RCAN2: variants seen among roughly 807,000 people sequenced by gnomAD.
RCAN2 encodes calcipressin-2.
In RCAN2, 9 loss-of-function variants were observed where a neutral mutation model predicts 23.6. That is an observed-to-expected ratio of 0.38 (90% CI 0.23 to 0.67). RCAN2 has a LOEUF of 0.67. Ranked by LOEUF, RCAN2 falls within the 30% of genes least tolerant of loss-of-function variation. The pLI, the probability that RCAN2 is intolerant of heterozygous loss-of-function variation, is 0.51. For missense variants in RCAN2, 273 were observed against 302.3 expected, an observed-to-expected ratio of 0.90 and a Z score of 0.72; for synonymous variants, 109 against 115.7, an observed-to-expected ratio of 0.94 and a Z score of 0.37.
chr6:46,248,641 T>C, intron 3 of RCAN2, 82 bp downstream of exon 3: 1 of 1,142,622 alleles, frequency 8.8e-7, no homozygotes, highest in Non-Finnish European at 1.2e-6. Flanking sequence ...AATCTGAAAA[T>C]AGAAAGGGCT....
intron 2 of RCAN2, among the ~76,000 whole-genome samples, chr6:46,395,696 C>T (rs1443941909): frequency 6.6e-6 from 1 of 152,224 alleles, no homozygotes; most frequent in Non-Finnish European, 1.5e-5. Flanking sequence ...ACAGGGTTGG[C>T]TCATGTTATC....
chr6:46,297,349 T>A (rs9472735), intron 2 of RCAN2, among the ~76,000 whole-genome samples: 6,670 of 152,184 alleles, frequency 0.044, 504 homozygotes, highest in African/African-American at 0.15. Flanking sequence ...AAAAAGCGAA[T>A]AATCACAGTA....
chr6:46,430,988 T>C (rs573157945), intron 2 of RCAN2, among the ~76,000 whole-genome samples: 1 of 152,174 alleles, frequency 6.6e-6, no homozygotes, highest in Non-Finnish European at 1.5e-5. Context: ...ATATGGTTGA[T>C]GTAAATAATT....
At chr6:46,279,680 C>G (rs1188322467) in intron 2 of RCAN2, among the ~76,000 whole-genome samples, 3 of 152,224 alleles carry the variant, frequency 2.0e-5, no homozygotes, top group Non-Finnish European at 4.4e-5. Context: ...TGGCTATAAA[C>G]ATTGGCTTGG....
intron 2 of RCAN2, among the ~76,000 whole-genome samples, chr6:46,406,927 G>A (rs1766422704): frequency 6.6e-6 from 1 of 152,082 alleles, no homozygotes; most frequent in African/African-American, 2.4e-5. Context: ...TTATGTGCTG[G>A]GCGATTCAGT....
chr6:46,248,233 T>C (rs1488073745), intron 3 of RCAN2, among the ~76,000 whole-genome samples: 1 of 152,248 alleles, frequency 6.6e-6, no homozygotes, highest in Non-Finnish European at 1.5e-5. Context: ...AATTTCCATA[T>C]ATTTGTCACC....
intron 2 of RCAN2, among the ~76,000 whole-genome samples, chr6:46,291,873 T>G (rs776309264): frequency 6.6e-6 from 1 of 152,076 alleles, no homozygotes; most frequent in Admixed American, 6.6e-5. Flanking sequence ...GGAAAGTACG[T>G]GGAATTTGAG....
At chr6:46,234,857 C>T (rs190249230) in intron 4 of RCAN2, among the ~76,000 whole-genome samples, 1 of 152,310 alleles carries the variant, frequency 6.6e-6, no homozygotes, top group East Asian at 1.9e-4. Flanking sequence ...GTGACAATGT[C>T]CCAATTCCTC....
chr6:46,407,366 C>G lies in RCAN2; in HGVS notation c.225+49386G>C, dbSNP rs146550690. Among the ~76,000 whole-genome samples the G allele has an allele frequency of 3.5e-3, 537 of 152,274 alleles. 2 individuals carry two copies. The highest frequency in any genetic ancestry group is 9.9e-3 in the South Asian group (48 of 4,828). ...AGGCAGCAACCACTCATACAAAGAT[C>G]TTAGCAAAAATGAAGTCTTGATTTC... On this transcript the variant is annotated intron_variant, in intron 2 of 4. Transcript: ENST00000371374.
chr6:46,241,586 A>C (rs1194451590), intron 4 of RCAN2, among the ~76,000 whole-genome samples: 1 of 152,220 alleles, frequency 6.6e-6, no homozygotes, highest in Non-Finnish European at 1.5e-5. Flanking sequence ...GAAAGGCATA[A>C]GTTGTTTTGT....
intron 1 of RCAN2, among the ~76,000 whole-genome samples, chr6:46,469,403 AC>A (rs1257574667): frequency 2.6e-5 from 4 of 151,770 alleles, no homozygotes; most frequent in Admixed American, 2.0e-4. Context: ...CACATCCCTC[AC>A]CCCCTCCAGC....
At chr6:46,449,661 T>C (rs1000003262) in intron 2 of RCAN2, among the ~76,000 whole-genome samples, 3 of 151,702 alleles carry the variant, frequency 2.0e-5, no homozygotes, top group Non-Finnish European at 3.0e-5. Context: ...AGCCCAGAAA[T>C]AAATCCATGG....
At chr6:46,389,405 T>A (rs976953474) in intron 2 of RCAN2, among the ~76,000 whole-genome samples, 1 of 152,154 alleles carries the variant, frequency 6.6e-6, no homozygotes, top group Non-Finnish European at 1.5e-5. Context: ...AGCTCAGGAA[T>A]CATCTCCTTC....
chr6:46,478,595 C>A (rs1047946224), intron 1 of RCAN2, among the ~76,000 whole-genome samples: 1 of 152,152 alleles, frequency 6.6e-6, no homozygotes, highest in African/African-American at 2.4e-5. Flanking sequence ...CTTCTCCTCC[C>A]TTTCCATCAG....
At chr6:46,348,017 G>A (rs1764539573) in intron 2 of RCAN2, among the ~76,000 whole-genome samples, 1 of 152,156 alleles carries the variant, frequency 6.6e-6, no homozygotes, top group African/African-American at 2.4e-5. Flanking sequence ...GCCGAGTACA[G>A]GACCTGAGCA....
chr6:46,264,640 C>T (rs1262814613), intron 2 of RCAN2, among the ~76,000 whole-genome samples: 1 of 152,130 alleles, frequency 6.6e-6, no homozygotes, highest in Non-Finnish European at 1.5e-5. Flanking sequence ...AGATTCAGGA[C>T]ACAAGAGACC....
At chr6:46,468,951 G>T in intron 1 of RCAN2, 1 of 484,388 alleles carries the variant, frequency 2.1e-6, no homozygotes, top group Non-Finnish European at 2.7e-6. Flanking sequence ...CTGAAAGTAA[G>T]TCACTGCCCC....
In RCAN2 at chr6:46,302,923, A is replaced by T. The variant is rs1380339715; in HGVS notation, c.226-54027T>A. 3.9e-5 allele frequency among the ~76,000 whole-genome samples: 6 copies of T among 152,056 alleles called. No individual in the cohort carries two copies. In the South Asian group the frequency reaches 1.2e-3, roughly 31 times the overall value. On this transcript the variant is annotated intron_variant, in intron 2 of 4. Transcript: ENST00000371374. ...ATCTAAGGTCACATAGACAGTAAGTATTAGAGCAGGGTTTCAAACCCAAGT... is the reference window on the plus strand; with the variant it reads ...ATCTAAGGTCACATAGACAGTAAGTTTTAGAGCAGGGTTTCAAACCCAAGT...
intron 2 of RCAN2, among the ~76,000 whole-genome samples, chr6:46,433,796 G>T (rs567697630): frequency 5.9e-5 from 9 of 152,256 alleles, no homozygotes; most frequent in African/African-American, 2.2e-4. Flanking sequence ...AAATTGTTAG[G>T]AATTTAATTT....
Sources: allele counts gnomAD v4.1 joint callset (sites outside exome capture counted in the v4.1 genomes callset), GRCh38; gene constraint gnomAD v4.1.1; transcripts MANE v1.5; gene names NCBI Gene and HGNC (gene_info 2026-07-23, HGNC 2026-07-21).